Variants in SOX6 observed in about 807,000 individuals in gnomAD.
The protein encoded by SOX6 is SRY-box transcription factor 6.
SOX6 carries 11 observed loss-of-function variants against 97.8 expected under a neutral mutation model. That is an observed-to-expected ratio of 0.11 (90% CI 0.07 to 0.19). SOX6 has a LOEUF of 0.19. SOX6 is among the 10% of genes least tolerant of loss of function. The pLI is 1.00. For missense variants in SOX6, 810 were observed against 1,039.5 expected (o/e 0.78, Z 3.04); for synonymous variants, 360 against 371.4 (o/e 0.97, Z 0.35).
intron 1 of SOX6, among the ~76,000 whole-genome samples, chr11:16,737,388 G>C (rs929086570): frequency 6.6e-6 from 1 of 151,956 alleles, no homozygotes; most frequent in Non-Finnish European, 1.5e-5. Flanking sequence ...TGTATTTTTA[G>C]TAGAGACGTG....
chr11:16,112,707 A>T (rs1334753510), intron 6 of SOX6, among the ~76,000 whole-genome samples: 20 of 152,200 alleles, frequency 1.3e-4, no homozygotes, highest in Non-Finnish European at 1.5e-5. Context: ...CAGTATTTGT[A>T]TTCCATATAA....
intron 13 of SOX6, among the ~76,000 whole-genome samples, chr11:15,996,965 A>G (rs1854244306): frequency 6.6e-6 from 1 of 152,156 alleles, no homozygotes; most frequent in Non-Finnish European, 1.5e-5. Context: ...GAAAAGTACA[A>G]TAAAATTAAT....
intron 1 of SOX6, among the ~76,000 whole-genome samples, chr11:16,404,942 TTGTG>T (rs1414926493): frequency 6.6e-6 from 1 of 152,040 alleles, no homozygotes; most frequent in Non-Finnish European, 1.5e-5. Flanking sequence ...AATCACAGCT[TTGTG>T]CGTGATATCT....
chr11:16,265,157 G>T (rs534249992), intron 3 of SOX6, among the ~76,000 whole-genome samples: 1 of 151,934 alleles, frequency 6.6e-6, no homozygotes, highest in Non-Finnish European at 1.5e-5. Context: ...GATCTGCAGA[G>T]GGGTCCCTTG....
At chr11:16,450,146 T>A (rs1859691769) in intron 1 of SOX6, among the ~76,000 whole-genome samples, 1 of 152,184 alleles carries the variant, frequency 6.6e-6, no homozygotes, top group African/African-American at 2.4e-5. Flanking sequence ...AGAGAAATCT[T>A]TTTGTGATGT....
At chr11:16,154,403 G>A (rs778542326) in intron 6 of SOX6, among the ~76,000 whole-genome samples, 1 of 151,836 alleles carries the variant, frequency 6.6e-6, no homozygotes, top group African/African-American at 2.4e-5. Flanking sequence ...TTTCCTTTAC[G>A]CCACTTATCC....
intron 11 of SOX6, among the ~76,000 whole-genome samples, chr11:16,049,267 A>T (rs1341928010): frequency 6.6e-6 from 1 of 152,184 alleles, no homozygotes; most frequent in East Asian, 1.9e-4. Flanking sequence ...GGAGCCAGAC[A>T]TTATGACATC....
chr11:16,008,174 T>G (rs1854611958), intron 13 of SOX6, among the ~76,000 whole-genome samples: 1 of 152,074 alleles, frequency 6.6e-6, no homozygotes, highest in South Asian at 2.1e-4. Context: ...TACATTGCAT[T>G]GTTTAGGAAA....
At position 15,986,105 on chromosome 11, in the gene SOX6, T is replaced by A. The variant is rs1853828706; in HGVS notation, c.2183+99A>T. On this transcript the variant is annotated intron_variant, in intron 15 of 15. Coordinates refer to ENST00000683767, the MANE Select transcript of SOX6 (RefSeq NM_001367873.1). ...GCCCCTTCAGTATGCCACAACCTCCTCTTTCCCTAATCTCCTTCCCAAACA... is the reference window on the plus strand; with the variant it reads ...GCCCCTTCAGTATGCCACAACCTCCACTTTCCCTAATCTCCTTCCCAAACA... 6 of 1,132,894 alleles carry A rather than the reference T, an allele frequency of 5.3e-6. No homozygotes were observed. The South Asian group carries it at 7.4e-5, about 14-fold the overall frequency. 70.2% of individuals were successfully genotyped at this position (1,132,894 alleles called of 1,614,324 possible).
chr11:16,608,972 A>G (rs749505743), intron 4 of SOX6, among the ~76,000 whole-genome samples: 1 of 152,210 alleles, frequency 6.6e-6, no homozygotes, highest in African/African-American at 2.4e-5. Context: ...GATGTAGAAA[A>G]TTATGTTAAT....
chr11:16,721,598 C>CAA (rs1564877422), intron 2 of SOX6, among the ~76,000 whole-genome samples: 7 of 42,710 alleles, frequency 1.6e-4, no homozygotes, highest in African/African-American at 8.0e-4. Context: ...CTCTCTCTCT[C>CAA]TTCCCTCCCT....
At chr11:16,379,881 A>G (rs1286453057) in intron 1 of SOX6, among the ~76,000 whole-genome samples, 3 of 152,122 alleles carry the variant, frequency 2.0e-5, no homozygotes, top group Non-Finnish European at 4.4e-5. Context: ...TGGCCACAAT[A>G]GAATAGTCTG....
At chr11:16,730,731 G>C (rs1353858059) in intron 2 of SOX6, among the ~76,000 whole-genome samples, 1 of 151,976 alleles carries the variant, frequency 6.6e-6, no homozygotes, top group East Asian at 1.9e-4. Context: ...CAGAAGACAA[G>C]AAATAACTAA....
intron 2 of SOX6, among the ~76,000 whole-genome samples, chr11:16,337,226 G>C (rs1012974088): frequency 5.9e-5 from 9 of 151,958 alleles, no homozygotes; most frequent in African/African-American, 2.2e-4. Context: ...GGAAGGGAAG[G>C]CTCAAAATAA....
rs578168340 is a variant in SOX6 at position 16,665,989 on chromosome 11, T to C, written n.429+48841A>G. ...GCCACAGTATTACTTGGCTGAACAT[T>C]ACTGCTACCTAATGCAGATACAGAT... On this transcript the variant is annotated intron_variant and non_coding_transcript_variant, in intron 3 of 5. Transcript: ENST00000524520. Among the ~76,000 whole-genome samples the C allele has an allele frequency of 1.5e-4, 23 of 152,314 alleles. 1 individual carries two copies. The highest frequency in any genetic ancestry group is 3.9e-4 in the Admixed American group (6 of 15,294).
intron 4 of SOX6, among the ~76,000 whole-genome samples, chr11:16,502,381 C>A (rs900009635): frequency 4.0e-5 from 6 of 151,892 alleles, no homozygotes; most frequent in African/African-American, 1.5e-4. Context: ...TTAATGGGTG[C>A]AGCACACCAA....
In SOX6 at chr11:15,980,897, A is replaced by G. The variant is rs75961430; in HGVS notation, c.2183+5307T>C. The stretch of plus-strand genomic sequence containing the variant: ...TGTGTATGTGTGTGTATAAGACACT[A>G]TTATATGCTAATCTATTCATGTATG... On this transcript the variant is annotated intron_variant, in intron 15 of 15. Transcript: ENST00000683767. Among the ~76,000 whole-genome samples the G allele has an allele frequency of 9.3e-3, 1,408 of 152,102 alleles. 30 individuals are homozygous for G. Among genetic ancestry groups the G allele is most frequent in the African/African-American group, 0.032 (1,311 of 41,528 alleles).
intron 2 of SOX6, among the ~76,000 whole-genome samples, chr11:16,334,688 A>G (rs1375932744): frequency 6.6e-6 from 1 of 152,098 alleles, no homozygotes; most frequent in East Asian, 1.9e-4. Context: ...TTAGCCTCCC[A>G]AAGTGCTGGG....
chr11:16,349,991 A>T (rs1856894485), intron 1 of SOX6, among the ~76,000 whole-genome samples: 1 of 152,218 alleles, frequency 6.6e-6, no homozygotes, highest in African/African-American at 2.4e-5. Flanking sequence ...TGTTCTAAAT[A>T]ACATCATTTA....
Sources: gnomAD v4.1 joint callset for allele counts (sites outside exome capture counted in the v4.1 genomes callset) on GRCh38, gnomAD v4.1.1 for gene constraint, MANE v1.5 for transcripts, NCBI Gene and HGNC (gene_info 2026-07-23, HGNC 2026-07-21) for gene names.